Variants in SWI5 observed in about 807,000 individuals in gnomAD.
SWI5 encodes the protein DNA repair protein SWI5 homolog.
A neutral mutation model predicts 17.0 loss-of-function variants in SWI5; 12 were observed. The ratio of observed to expected loss-of-function variants is 0.71; its 90% confidence interval spans 0.45 to 1.14. The LOEUF (loss-of-function observed/expected upper bound fraction) is 1.14. Among genes scored for constraint, SWI5 ranks in the 50% most tolerant of loss-of-function variants. The probability of loss-of-function intolerance (pLI) is 0.00; values close to 1 mark genes in which losing one functional copy is unlikely to be tolerated. For synonymous variants in SWI5, 61 were observed against 64.0 expected, an observed-to-expected ratio of 0.95 and a Z score of 0.22; for missense variants, 158 against 162.2, an observed-to-expected ratio of 0.97 and a Z score of 0.14.
exon 1 of SWI5, chr9:128,276,303 G>T (rs2131408799): frequency 6.2e-7 from 1 of 1,612,768 alleles, no homozygotes; most frequent in Non-Finnish European, 8.5e-7. Flanking sequence ...AGAGTTCCTG[G>T]CCCGGTGCAC....
intron 2 of SWI5, among the ~76,000 whole-genome samples, chr9:128,283,136 G>A (rs1385455921): frequency 3.3e-5 from 5 of 151,598 alleles, no homozygotes; most frequent in African/African-American, 1.2e-4. Flanking sequence ...CCAACATGGT[G>A]AAACCCTGTC....
At chr9:128,276,865 A>C in intron 2 of SWI5, 110 bp downstream of exon 2, 1 of 1,154,542 alleles carries the variant, frequency 8.7e-7, no homozygotes, top group Non-Finnish European at 1.2e-6. Flanking sequence ...GCCCTCTTCC[A>C]TATCTTCTCC....
At chr9:128,282,778 A>G (rs929730889) in intron 2 of SWI5, among the ~76,000 whole-genome samples, 3 of 152,322 alleles carry the variant, frequency 2.0e-5, no homozygotes, top group Admixed American at 2.0e-4. Context: ...TCCAACATAC[A>G]TTTCCTGAAG....
At chr9:128,282,949 G>A (rs958318800) in intron 2 of SWI5, among the ~76,000 whole-genome samples, 11 of 152,046 alleles carry the variant, frequency 7.2e-5, no homozygotes, top group African/African-American at 2.2e-4. Context: ...AGGCTGAGGC[G>A]GGCAGATCAC....
intron 4 of SWI5, among the ~76,000 whole-genome samples, chr9:128,286,820 G>T (rs1831647247): frequency 6.6e-6 from 1 of 152,014 alleles, no homozygotes; most frequent in African/African-American, 2.4e-5. Context: ...CAAGAAGATG[G>T]GGGTGTGAGG....
At chr9:128,281,895 G>T (rs1451282881) in intron 2 of SWI5, among the ~76,000 whole-genome samples, 1 of 152,104 alleles carries the variant, frequency 6.6e-6, no homozygotes, top group African/African-American at 2.4e-5. Context: ...GACATAGCAA[G>T]ACCCCATCTC....
intron 2 of SWI5, 112 bp from the exon 3 acceptor site, chr9:128,284,398 G>C: frequency 2.3e-6 from 3 of 1,309,190 alleles, no homozygotes; most frequent in Non-Finnish European, 3.1e-6. Flanking sequence ...CTTATTGAGG[G>C]GGTTAGGGTG....
At chr9:128,282,308 A>C (rs1831552720) in intron 2 of SWI5, among the ~76,000 whole-genome samples, 1 of 152,066 alleles carries the variant, frequency 6.6e-6, no homozygotes, top group African/African-American at 2.4e-5. Flanking sequence ...AATCGCTTGA[A>C]TCCGGGAGGC....
chr9:128,278,773 T>C, intron 2 of SWI5: 1 of 429,036 alleles, frequency 2.3e-6, no homozygotes, highest in South Asian at 1.7e-5. Context: ...TTTTGGTTTT[T>C]TTTGTTTTTT....
At chr9:128,287,850 C>T (rs533270760) in intron 4 of SWI5, among the ~76,000 whole-genome samples, 4 of 151,706 alleles carry the variant, frequency 2.6e-5, no homozygotes, top group Admixed American at 6.6e-5. Context: ...GCTGAGCCAC[C>T]GCACCTGGCA....
exon 1 of SWI5, chr9:128,276,245 CCTTG>C: frequency 1.2e-6 from 2 of 1,612,678 alleles, no homozygotes; most frequent in Non-Finnish European, 1.7e-6. Context: ...GGCCGGCTTT[CCTTG>C]GGTGCGCGCG....
Position 128,285,200 on chromosome 9 carries a change from A to G in SWI5, c.233+569A>G, listed in dbSNP as rs935218555. On this transcript the variant is annotated intron_variant, in intron 3 of 4. Transcript: ENST00000418976. The surrounding 1 kb of genome is among the most constrained non-coding windows in gnomAD (Gnocchi z 4.8). Reference sequence around the variant, plus strand: ...AGAGGGCGAGAGGGAGAGAGAGAGGAGAGGAAAGAAAAAGGAAGGAAGGAA... The same window carrying G: ...AGAGGGCGAGAGGGAGAGAGAGAGGGGAGGAAAGAAAAAGGAAGGAAGGAA... Among the ~76,000 whole-genome samples the G allele has an allele frequency of 3.3e-5, 5 of 150,004 alleles. No individual in the cohort carries two copies. Among genetic ancestry groups the G allele is most frequent in the Admixed American group, 6.7e-5 (1 of 14,818 alleles).
chr9:128,275,412 G>A, upstream of SWI5: 1 of 1,292,522 alleles, frequency 7.7e-7, no homozygotes, highest in Non-Finnish European at 9.9e-7. Flanking sequence ...TCCGCGATGG[G>A]GGAGGGGACC....
At chr9:128,275,865 C>CG, upstream of SWI5, 3 of 1,257,442 alleles carry the variant, frequency 2.4e-6, no homozygotes, top group Admixed American at 2.1e-5. Flanking sequence ...GGGGCTGGGT[C>CG]GGGGGGCCGC....
At chr9:128,275,898 T>C, upstream of SWI5, 2 of 1,562,240 alleles carry the variant, frequency 1.3e-6, no homozygotes, top group South Asian at 1.1e-5. Flanking sequence ...TTTACCTTTT[T>C]CTTCGCTGCG....
intron 2 of SWI5, among the ~76,000 whole-genome samples, chr9:128,281,212 A>G (rs564246598): frequency 4.0e-5 from 6 of 150,912 alleles, no homozygotes; most frequent in African/African-American, 9.7e-5. Flanking sequence ...TAATTTTTGT[A>G]TTTTCAGTAG....
chr9:128,285,249 G>C lies in SWI5; in HGVS notation c.233+618G>C, dbSNP rs994363373. ...AAAGAAAGGAAGGGAAAGAAGGAAA[G>C]GGGGGAAGGAAAGGGAAGGAAGGAA... is the stretch of plus-strand genomic sequence containing the variant. On this transcript the variant is annotated intron_variant, in intron 3 of 4. Transcript: ENST00000418976. This position sits in a 1 kb window ranked among gnomAD's most constrained non-coding sequence, Gnocchi z 4.8. Among the ~76,000 whole-genome samples, 5 of 149,836 alleles carry C rather than the reference G, an allele frequency of 3.3e-5. No individual in the cohort carries two copies. Among genetic ancestry groups the C allele is most frequent in the Non-Finnish European group, 5.9e-5 (4 of 67,556 alleles).
At chr9:128,275,697 G>T (rs1021292027), upstream of SWI5, among the ~76,000 whole-genome samples, 9 of 152,066 alleles carry the variant, frequency 5.9e-5, no homozygotes, top group Non-Finnish European at 1.2e-4. Context: ...AAGTCACCCG[G>T]GGGCGACTGG....
upstream of SWI5, chr9:128,276,064 C>G: frequency 6.3e-7 from 1 of 1,579,728 alleles, no homozygotes; most frequent in Non-Finnish European, 8.6e-7. Context: ...CAGGGCGATA[C>G]TGGAGCGCAG....
Sources: gnomAD v4.1 joint callset for allele counts (sites outside exome capture counted in the v4.1 genomes callset) on GRCh38, gnomAD v4.1.1 for gene constraint, Gnocchi (gnomAD v3.1) non-coding constraint, MANE v1.5 for transcripts, NCBI Gene and HGNC (gene_info 2026-07-23, HGNC 2026-07-21) for gene names.